Variants in SLC46A1 observed in about 807,000 individuals in gnomAD.
SLC46A1 encodes solute carrier family 46 member 1.
In SLC46A1, 17 loss-of-function variants were observed where a neutral mutation model predicts 32.1. The observed-to-expected ratio is 0.53, with a 90% CI of 0.36 to 0.79. The LOEUF is 0.79. Among genes scored for constraint, SLC46A1 ranks in the 30% least tolerant of loss-of-function variants. The pLI, the probability that SLC46A1 is intolerant of heterozygous loss-of-function variation, is 0.00. For synonymous variants in SLC46A1, 240 were observed against 262.7 expected (o/e 0.91, Z 0.84); for missense variants, 517 against 588.2 (o/e 0.88, Z 1.25).
At position 28,405,402 on chromosome 17, in the gene SLC46A1, A is replaced by G. The variant is rs201862124; in HGVS notation, c.295T>C (p.Phe99Leu). Residue 99 changes from phenylalanine (F) to leucine (L), a missense_variant, in exon 2 of 5, where the codon TTC (phenylalanine) becomes CTC (leucine). Physicochemically the swap from Phe to Leu is conservative, Grantham distance 22 (BLOSUM62 0). Transcript: ENST00000612814. ...MNVGGFLVGL[F>L]SSTLLGAWSD... ...CAAGCTCCCAGCAGGGTGGACGAGAAGAGCCCCACCAGGAAGCCGCCCACG... is the reference window on the plus strand; with the variant it reads ...CAAGCTCCCAGCAGGGTGGACGAGAGGAGCCCCACCAGGAAGCCGCCCACG... 1.8e-4 allele frequency: 280 copies of G among 1,588,506 alleles called. 1 individual carries two copies. The highest frequency in any genetic ancestry group is 1.6e-3 in the African/African-American group (119 of 74,446).
At chr17:28,400,234 C>T (rs1234408380) in intron 4 of SLC46A1, 1 of 261,370 alleles carries the variant, frequency 3.8e-6, no homozygotes, top group Non-Finnish European at 7.4e-6. Flanking sequence ...AAAAAGTCAG[C>T]GGGTCAAGCT....
At chr17:28,404,305 G>A (rs1399479077) in intron 2 of SLC46A1, 16 of 404,518 alleles carry the variant, frequency 4.0e-5, no homozygotes, top group Admixed American at 2.0e-4. Context: ...ATGAATAGGC[G>A]GTGGGAGGCC....
At chr17:28,402,539 T>G in intron 2 of SLC46A1, 1 of 459,290 alleles carries the variant, frequency 2.2e-6, no homozygotes. Context: ...TGAATGCTAA[T>G]TCCCATTGAT....
Position 28,399,621 on chromosome 17 carries a change from G to A in SLC46A1, c.*35C>T, listed in dbSNP as rs369588539. On this transcript the variant is annotated 3_prime_UTR_variant, in exon 5 of 5. Transcript: ENST00000612814. Reference sequence around the variant, plus strand: ...CCTCCAGTTGCTTGGTGTTCACTTTGCTCCTCTTGCCCTCTGTCTTCTGGT... The same window carrying A: ...CCTCCAGTTGCTTGGTGTTCACTTTACTCCTCTTGCCCTCTGTCTTCTGGT... 36 of 1,611,198 alleles carry A rather than the reference G, an allele frequency of 2.2e-5. No homozygotes were observed. Among genetic ancestry groups the A allele is most frequent in the Non-Finnish European group, 2.9e-5 (34 of 1,177,576 alleles).
In SLC46A1 at chr17:28,404,702, G is replaced by A; in HGVS notation, c.995C>T (p.Ala332Val). 1 of 1,613,926 alleles carries A rather than the reference G, an allele frequency of 6.2e-7. No homozygotes were observed. The highest frequency in any genetic ancestry group is 8.5e-7 in the Non-Finnish European group (1 of 1,179,832). ...GGCCAGGCCGATCTCAGCTACCCAG[G>A]CATCGGCCAGGCAGTACTGCAGGAG... ...LKLLQYCLAD[A>V]WVAEIGLAFN... Residue 332 changes from alanine (A) to valine (V), a missense_variant, in exon 2 of 5, where the codon GCC becomes GTC. Ala to Val is a moderately conservative substitution (Grantham distance 64). Transcript: ENST00000612814.
At chr17:28,405,670 C>T (rs377473845) in intron 1 of SLC46A1, 6 of 971,466 alleles carry the variant, frequency 6.2e-6, no homozygotes, top group Non-Finnish European at 8.9e-6. Context: ...TTTCCCCCCC[C>T]TTTTGTTAAC....
At position 28,405,259 on chromosome 17, in the gene SLC46A1, C is replaced by G; in HGVS notation, c.438G>C (p.Leu146=). ...QLQLHVGYFV[L]GRILCALLGD... ...CGAGGAGGGCACAAAGGATGCGACC[C>G]AGCACGAAGTAGCCGACGTGGAGCT... Residue 146 remains leucine, a synonymous_variant, in exon 2 of 5, where the codon CTG becomes CTC. Coordinates refer to ENST00000612814, the MANE Select transcript of SLC46A1 (RefSeq NM_080669.6). 6.3e-7 allele frequency: 1 copy of G among 1,586,630 alleles called. No individual in the cohort carries two copies. The highest frequency in any genetic ancestry group is 8.6e-7 in the Non-Finnish European group (1 of 1,167,176).
upstream of SLC46A1, chr17:28,406,430 A>G (rs41297059): frequency 1.1e-3 from 364 of 339,504 alleles, 1 homozygote; most frequent in African/African-American, 7.0e-3. The surrounding 1 kb of genome is among the most constrained non-coding windows in gnomAD (Gnocchi z 4.5). Context: ...CAAGAATATC[A>G]ACAATTAACA....
chr17:28,405,074 T>A lies in SLC46A1; in HGVS notation c.623A>T (p.Tyr208Phe), dbSNP rs201837257. 1.6e-3 allele frequency: 2,546 copies of A among 1,613,990 alleles called. 5 individuals carry two copies. Among genetic ancestry groups the A allele is most frequent in the Non-Finnish European group, 2.0e-3 (2,344 of 1,179,884 alleles). Reference protein sequence around the residue: ...LGGHWLRAQGYANPFWLALAL... With the variant: ...LGGHWLRAQGFANPFWLALAL... ...CAAGGCCAGCCAGAAGGGGTTGGCA[T>A]AACCCTGGGCCCGGAGCCAGTGGCC... The change falls in exon 2 of 5, where the codon TAT (tyrosine) becomes TTT (phenylalanine). Residue 208 changes from tyrosine (Y) to phenylalanine (F), a missense_variant. Physicochemically the swap from Tyr to Phe is conservative, Grantham distance 22. Transcript: ENST00000612814.
In SLC46A1 at chr17:28,405,173, C is replaced by G. The variant is rs1340938054; in HGVS notation, c.524G>C (p.Arg175Pro). The G allele has an allele frequency of 1.2e-6, 2 of 1,608,558 alleles. No individual in the cohort carries two copies. The highest frequency in any genetic ancestry group is 1.7e-6 in the Non-Finnish European group (2 of 1,177,486). The change falls in exon 2 of 5, where the codon CGC (arginine) becomes CCC (proline). Residue 175 changes from arginine (R) to proline (P), a missense_variant. By Grantham distance (103) the Arg-to-Pro change is moderately radical. Transcript: ENST00000612814. ...FASVADVSSS[R>P]SRTFRMALLE... ...CAGGGCCATCCGGAAGGTGCGGCTG[C>G]GACTGGAGCTGACATCTGCCACGGA...
At chr17:28,404,571 C>T (rs782013381) in intron 2 of SLC46A1, 45 bp downstream of exon 2, 7 of 1,607,048 alleles carry the variant, frequency 4.4e-6, no homozygotes, top group Non-Finnish European at 3.4e-6. Flanking sequence ...CCAGTTCTTA[C>T]CCAGTGCCTC....
At position 28,394,921 on chromosome 17, in the gene SLC46A1, G is replaced by T. The variant is rs1597824891; in HGVS notation, c.*4735C>A. 2 of 151,940 alleles carry T rather than the reference G, an allele frequency of 1.3e-5. No individual in the cohort carries two copies. Among genetic ancestry groups the T allele is most frequent in the East Asian group, 3.9e-4 (2 of 5,192 alleles). The allele number at this position is 151,940 out of a possible 1,614,324, so 9.4% of individuals were successfully genotyped here. A position where few individuals can be genotyped will look rare whatever the true frequency, so the allele number is the denominator to read the frequency against. The stretch of plus-strand genomic sequence containing the variant: ...TGGTTATAGATTGCTACATTCCAAG[G>T]AAGATGACTTTATTACCCCCTGAGA... On this transcript the variant is annotated 3_prime_UTR_variant, in exon 5 of 5. Coordinates refer to ENST00000612814, the MANE Select transcript of SLC46A1 (RefSeq NM_080669.6).
upstream of SLC46A1, chr17:28,406,215 G>C: frequency 2.2e-6 from 2 of 897,440 alleles, no homozygotes; most frequent in Non-Finnish European, 3.0e-6. The surrounding 1 kb of genome is among the most constrained non-coding windows in gnomAD (Gnocchi z 4.5). Flanking sequence ...CGCTGTCTGC[G>C]CCTGCGCCCG....
At chr17:28,405,502 C>G in intron 1 of SLC46A1, 34 bp from the exon 2 acceptor site, 1 of 1,586,396 alleles carries the variant, frequency 6.3e-7, no homozygotes, top group Non-Finnish European at 8.6e-7. Flanking sequence ...TGCGGTTCCT[C>G]ACTCTGGGTT....
rs1555590890 is a variant in SLC46A1, at chr17:28,405,293, A to C, written c.404T>G (p.Val135Gly). 6.3e-7 allele frequency: 1 copy of C among 1,589,202 alleles called. No individual in the cohort carries two copies. Among genetic ancestry groups the C allele is most frequent in the South Asian group, 1.1e-5 (1 of 87,424 alleles). The change falls in exon 2 of 5, where the codon GTG (valine) becomes GGG (glycine). Residue 135 changes from valine (V) to glycine (G), a missense_variant. Coordinates refer to ENST00000612814, the MANE Select transcript of SLC46A1 (RefSeq NM_080669.6). ...LLQALVSVFV[V>G]QLQLHVGYFV... ...GTAGCCGACGTGGAGCTGCAGCTGC[A>C]CCACAAAAACGGACACTAGGGCCTG...
chr17:28,404,960 CGGAACGTGAAGAGCCG>C lies in SLC46A1; in HGVS notation c.721_736del (p.Arg241ValfsTer22), dbSNP rs1567818473. 1 of 1,613,994 alleles carries C rather than the reference CGGAACGTGAAGAGCCG, an allele frequency of 6.2e-7. No individual in the cohort carries two copies. The highest frequency in any genetic ancestry group is 2.2e-5 in the East Asian group (1 of 44,890). On this transcript the variant is annotated frameshift_variant, in exon 2 of 5. Transcript: ENST00000612814. LOFTEE classifies it high-confidence loss of function. ...GAGCTGGACAATGGATCGGTGGTGA[CGGAACGTGAAGAGCCG>C]GGTGGACTTTGGCTCCTTTAAGGTC...
At chr17:28,402,371 G>T (rs201355325) in intron 2 of SLC46A1, 50 bp from the exon 3 acceptor site, 1 of 1,519,412 alleles carries the variant, frequency 6.6e-7, no homozygotes, top group Non-Finnish European at 9.1e-7. Flanking sequence ...GGAGAGGGGC[G>T]TCCAAGGGAA....
Position 28,397,587 on chromosome 17 carries a change from G to C in SLC46A1, c.*2069C>G, listed in dbSNP as rs1328342616. On this transcript the variant is annotated 3_prime_UTR_variant, in exon 5 of 5. Transcript: ENST00000612814. Reference sequence around the variant, plus strand: ...CCAGACCTAGGCCTCCTGGCACCCAGTCCACTGGCAGTGGAATTGCTTTCC... The same window carrying C: ...CCAGACCTAGGCCTCCTGGCACCCACTCCACTGGCAGTGGAATTGCTTTCC... The C allele has an allele frequency of 2.0e-5, 3 of 152,340 alleles. No individual in the cohort carries two copies. The allele number at this position is 152,340 out of a possible 1,614,324, so 9.4% of individuals were successfully genotyped here.
At position 28,396,052 on chromosome 17, in the gene SLC46A1, G is replaced by C. The variant is rs782010863; in HGVS notation, c.*3604C>G. 5.5e-5 allele frequency: 89 copies of C among 1,613,622 alleles called. No individual in the cohort carries two copies. Among genetic ancestry groups the C allele is most frequent in the Non-Finnish European group, 7.4e-5 (87 of 1,179,774 alleles). On this transcript the variant is annotated 3_prime_UTR_variant, in exon 5 of 5. Coordinates refer to ENST00000612814, the MANE Select transcript of SLC46A1 (RefSeq NM_080669.6). ...GTGAGCCCCAGGGCCCTGGGACCAG[G>C]GGGGTAGGGTACAAATCACCATGAC...
Sources: gnomAD v4.1 joint callset for allele counts on GRCh38, gnomAD v4.1.1 for gene constraint, Gnocchi (gnomAD v3.1) non-coding constraint, MANE v1.5 for transcripts, NCBI Gene and HGNC (gene_info 2026-07-23, HGNC 2026-07-21) for gene names.